Variants in AK9 observed in about 807,000 individuals in gnomAD.
AK9 encodes the protein adenylate kinase domain containing 1.
Under a neutral mutation model 239.6 loss-of-function variants are expected in AK9, and 191 were observed. The ratio of observed to expected loss-of-function variants is 0.80; its 90% CI spans 0.71 to 0.90. The LOEUF is 0.90. Ranked by LOEUF, AK9 falls within the 40% of genes least tolerant of loss-of-function variation. The pLI is 0.00. For synonymous variants in AK9, 689 were observed against 721.0 expected, an observed-to-expected ratio of 0.96 and a Z score of 0.71; for missense variants, 1,995 against 2,214.7, an observed-to-expected ratio of 0.90 and a Z score of 1.99.
Position 109,516,597 on chromosome 6 carries a change from C to T in AK9, c.3679G>A (p.Glu1227Lys). The T allele has an allele frequency of 6.4e-7, 1 of 1,550,596 alleles. No individual in the cohort carries two copies. The highest frequency in any genetic ancestry group is 1.4e-5 in the African/African-American group (1 of 73,136). ...ATGTTTTCAATATCATCATTGTCTTCTTCAAGTTCTTCCTCACTAATCTCT... is the reference window on the plus strand; with the variant it reads ...ATGTTTTCAATATCATCATTGTCTTTTTCAAGTTCTTCCTCACTAATCTCT... ...DEEISEEELE[E>K]DNDDIENILE... Residue 1227 changes from glutamate (E) to lysine (K), a missense_variant, in exon 30 of 41, where the codon GAA becomes AAA. Transcript: ENST00000424296.
intron 9 of AK9, 26 bp from the exon 10 acceptor site, chr6:109,641,642 C>T (rs774569378): frequency 5.1e-6 from 8 of 1,568,512 alleles, no homozygotes; most frequent in African/African-American, 2.7e-5. Flanking sequence ...AGATATTTAA[C>T]TACATTGGCA....
At chr6:109,540,512 G>A (rs9374094) in intron 27 of AK9, among the ~76,000 whole-genome samples, 2 of 151,950 alleles carry the variant, frequency 1.3e-5, no homozygotes, top group South Asian at 2.1e-4. Context: ...ACAGCTTCCC[G>A]TGGCTAGGAA....
At chr6:109,590,462 C>T (rs899327393) in intron 17 of AK9, among the ~76,000 whole-genome samples, 6 of 152,018 alleles carry the variant, frequency 3.9e-5, no homozygotes, top group African/African-American at 7.2e-5. Context: ...CTCTTTTTCA[C>T]TTGATTATCT....
chr6:109,611,757 G>A (rs1314131283), intron 16 of AK9, among the ~76,000 whole-genome samples: 1 of 152,156 alleles, frequency 6.6e-6, no homozygotes, highest in African/African-American at 2.4e-5. Flanking sequence ...GCCAGGGCTG[G>A]CAGAGCAGAA....
chr6:109,660,477 T>C (rs1800279099), intron 6 of AK9, among the ~76,000 whole-genome samples: 1 of 152,200 alleles, frequency 6.6e-6, no homozygotes, highest in Non-Finnish European at 1.5e-5. Context: ...TGTTGGAACC[T>C]TCATTGCTCA....
chr6:109,564,380 G>GT, intron 22 of AK9, 100 bp from the exon 23 acceptor site: 1 of 824,126 alleles, frequency 1.2e-6, no homozygotes, highest in Non-Finnish European at 1.8e-6. Flanking sequence ...TTTTTAAACA[G>GT]TTAAAAAAAT....
intron 23 of AK9, 55 bp from the exon 24 acceptor site, chr6:109,563,767 C>T: frequency 6.7e-7 from 1 of 1,488,522 alleles, no homozygotes; most frequent in Admixed American, 2.1e-5. Context: ...AGGTTATTAG[C>T]ATATTACTAT....
At chr6:109,679,345 T>TCCAACTGGGCGGAG (rs113281660) in intron 1 of AK9, among the ~76,000 whole-genome samples, 63,292 of 151,740 alleles carry the variant, frequency 0.42, 14,866 homozygotes, top group African/African-American at 0.64. Flanking sequence ...TTGGGGAAGT[T>TCCAACTGGGCGGAG]CCCTCCTCCC....
intron 27 of AK9, among the ~76,000 whole-genome samples, chr6:109,541,398 A>C (rs886976418): frequency 3.9e-5 from 6 of 152,178 alleles, no homozygotes; most frequent in African/African-American, 1.4e-4. Flanking sequence ...GCTATTACAC[A>C]TTATTCATTA....
At chr6:109,578,847 G>GTTTTGAGTATTCCT (rs6149744) in intron 20 of AK9, among the ~76,000 whole-genome samples, 1 of 151,878 alleles carries the variant, frequency 6.6e-6, no homozygotes, top group Non-Finnish European at 1.5e-5. Context: ...TATTCGTATA[G>GTTTTGAGTATTCCT]TTTGGAATTT....
Position 109,502,008 on chromosome 6 carries a change from G to A in AK9, c.4850-2768C>T, listed in dbSNP as rs935012728. 3.9e-5 allele frequency among the ~76,000 whole-genome samples: 6 copies of A among 152,194 alleles called. No individual in the cohort carries two copies. The South Asian group carries it at 8.3e-4, about 21-fold the overall frequency. On this transcript the variant is annotated intron_variant, in intron 35 of 40. Coordinates refer to ENST00000424296, the MANE Select transcript of AK9 (RefSeq NM_001145128.3). Reference sequence around the variant, plus strand: ...GCCCAATTAATCTGAACATAAATCTGATTGTGAATTCCTTCACCATATCAT... The same window carrying A: ...GCCCAATTAATCTGAACATAAATCTAATTGTGAATTCCTTCACCATATCAT...
Position 109,563,631 on chromosome 6 carries a change from A to T in AK9, c.2717T>A (p.Val906Asp). The T allele has an allele frequency of 3.2e-6, 5 of 1,551,014 alleles. No homozygotes were observed. Among genetic ancestry groups the T allele is most frequent in the Non-Finnish European group, 4.4e-6 (5 of 1,146,446 alleles). Residue 906 changes from valine (V) to aspartate (D), a missense_variant, in exon 24 of 41, where the codon GTT becomes GAT. Physicochemically the swap from Val to Asp is radical, Grantham distance 152. Transcript: ENST00000424296. Reference sequence around the variant, plus strand: ...TTCCTCTTCCTCTAGCTCCTCATCAACCTCTGCTTCAGTCTGGTAGTCTTC... The same window carrying T: ...TTCCTCTTCCTCTAGCTCCTCATCATCCTCTGCTTCAGTCTGGTAGTCTTC... Reference protein sequence around the residue: ...ETEDYQTEAEVDEELEEEEEE... With the variant: ...ETEDYQTEAEDDEELEEEEEE...
intron 29 of AK9, among the ~76,000 whole-genome samples, chr6:109,526,302 AAAAAT>A (rs1454853139): frequency 2.0e-5 from 3 of 152,198 alleles, no homozygotes; most frequent in Non-Finnish European, 4.4e-5. Context: ...TTGAAAAAGA[AAAAAT>A]AAAATAAAAA....
At chr6:109,604,939 C>G (rs976609602) in intron 17 of AK9, among the ~76,000 whole-genome samples, 3 of 152,108 alleles carry the variant, frequency 2.0e-5, no homozygotes, top group Admixed American at 6.6e-5. Context: ...GTTCTTGTCA[C>G]ATGTGGATTG....
At chr6:109,681,057 G>A (rs748572265) in intron 1 of AK9, among the ~76,000 whole-genome samples, 4 of 152,056 alleles carry the variant, frequency 2.6e-5, no homozygotes, top group Non-Finnish European at 4.4e-5. Flanking sequence ...CAAAACAGCC[G>A]GCTAGCATCA....
intron 1 of AK9, among the ~76,000 whole-genome samples, chr6:109,678,518 T>C (rs1410497717): frequency 2.0e-5 from 3 of 152,288 alleles, no homozygotes; most frequent in African/African-American, 4.8e-5. Context: ...TTGCAAAATA[T>C]TATCATAAGA....
chr6:109,542,450 A>G (rs1783022788), intron 26 of AK9, among the ~76,000 whole-genome samples: 1 of 152,224 alleles, frequency 6.6e-6, no homozygotes, highest in South Asian at 2.1e-4. Flanking sequence ...GTATTTCAGG[A>G]TAACTAGAAG....
At chr6:109,645,928 G>A (rs763509948) in intron 8 of AK9, among the ~76,000 whole-genome samples, 2 of 152,204 alleles carry the variant, frequency 1.3e-5, no homozygotes, top group Non-Finnish European at 2.9e-5. Flanking sequence ...GCGTTCGCTG[G>A]TGATACCCAG....
chr6:109,675,663 G>A lies in AK9; in HGVS notation c.83C>T (p.Ser28Phe), dbSNP rs763927283. ...EDETERNFLL[S>F]KPVCFVVFGK... ...AAATACAACAAAGCAAACAGGTTTG[G>A]ACAACAAAAAATTCCTTTCAGTTTC... The change falls in exon 2 of 41, where the codon TCC becomes TTC. Residue 28 changes from serine (S) to phenylalanine (F), a missense_variant. Around this residue, in one of 5 missense-constraint regions of AK9, gnomAD observed 252 missense variants for 246.4 expected, o/e 1.02. Coordinates refer to ENST00000424296, the MANE Select transcript of AK9 (RefSeq NM_001145128.3). 1 of 1,591,606 alleles carries A rather than the reference G, an allele frequency of 6.3e-7. No homozygotes were observed. The highest frequency in any genetic ancestry group is 1.1e-5 in the South Asian group (1 of 86,992).
Sources: allele counts gnomAD v4.1 joint callset (sites outside exome capture counted in the v4.1 genomes callset), GRCh38; gene constraint gnomAD v4.1.1; regional missense constraint gnomAD v4.1.1; transcripts MANE v1.5; gene names NCBI Gene and HGNC (gene_info 2026-07-23, HGNC 2026-07-21).